Variants in DDX5 observed in about 807,000 individuals in gnomAD.
The protein encoded by DDX5 is DEAD-box helicase 5.
DDX5 carries 6 observed loss-of-function variants against 68.6 expected under a neutral mutation model. That is an observed-to-expected ratio of 0.09 (90% confidence interval 0.05 to 0.17). The LOEUF is 0.17. Among genes scored for constraint, DDX5 ranks in the 10% least tolerant of loss-of-function variants. The probability of loss-of-function intolerance (pLI) is 1.00; values close to 1 mark genes in which losing one functional copy is unlikely to be tolerated. For synonymous variants in DDX5, 350 were observed against 247.0 expected (o/e 1.42, Z -3.91); for missense variants, 499 against 756.1 (o/e 0.66, Z 3.99).
Position 64,503,311 on chromosome 17 carries a change from A to T in DDX5, c.687T>A (p.Ile229=), listed in dbSNP as rs782079464. 6.2e-7 allele frequency: 1 copy of T among 1,614,248 alleles called. No homozygotes were observed. The highest frequency in any genetic ancestry group is 1.7e-5 in the Admixed American group (1 of 60,032). ...TGGTTTTTCCACACTCTAAAAAGTC[A>T]ATCAGTCTTCCAGGTGTTGCAATAC... The part of the protein sequence containing the change: ...EICIATPGRL[I]DFLECGKTNL... Residue 229 remains isoleucine, a synonymous_variant, in exon 7 of 13, where the codon ATT becomes ATA. Transcript: ENST00000225792.
At chr17:64,505,077 G>GA in intron 1 of DDX5, 1 of 401,276 alleles carries the variant, frequency 2.5e-6, no homozygotes. Context: ...TATCATGTCG[G>GA]AAGCCGGGGA....
rs1317146267 is a variant in DDX5, at chr17:64,498,711, C to T, written c.*1212G>A. ...ACCTCTCTTCTGGCAAAAAAAAACA[C>T]GTATCAGACTCTGGGAAAACATTCA... On this transcript the variant is annotated 3_prime_UTR_variant, in exon 13 of 13. Transcript: ENST00000225792. Among the ~76,000 whole-genome samples, 2 of 151,854 alleles carry T rather than the reference C, an allele frequency of 1.3e-5. No individual in the cohort carries two copies. The highest frequency in any genetic ancestry group is 1.9e-4 in the East Asian group (1 of 5,196).
intron 2 of DDX5, 131 bp from the exon 3 acceptor site, chr17:64,504,449 T>C: frequency 1.1e-6 from 1 of 930,576 alleles, no homozygotes; most frequent in Non-Finnish European, 1.6e-6. Flanking sequence ...TGGACCCACC[T>C]ATGAACACCC....
Position 64,499,974 on chromosome 17 carries a change from A to G in DDX5, c.1794T>C (p.Thr598=), listed in dbSNP as rs782427799. 6.2e-7 allele frequency: 1 copy of G among 1,613,462 alleles called. No homozygotes were observed. The highest frequency in any genetic ancestry group is 8.5e-7 in the Non-Finnish European group (1 of 1,179,576). ...GATAACCAATCATAGGTGCAGCTGC[A>G]GTAGCAGGATATGCATATGCCTGTT... is the stretch of plus-strand genomic sequence containing the variant. ...MNQQAYAYPA[T]AAAPMIGYPM... Residue 598 remains threonine (T), a synonymous_variant, in exon 13 of 13, where the codon ACT becomes ACC. Coordinates refer to ENST00000225792, the MANE Select transcript of DDX5 (RefSeq NM_004396.5).
chr17:64,500,418 A>C (rs2038268801), intron 12 of DDX5, 92 bp from the exon 13 acceptor site: 22 of 1,536,510 alleles, frequency 1.4e-5, no homozygotes, highest in Non-Finnish European at 1.8e-5. Flanking sequence ...GGTAGGCGTG[A>C]AATGTTTTTA....
Position 64,504,704 on chromosome 17 carries a change from C to T in DDX5, c.183G>A (p.Glu61=), listed in dbSNP as rs1188606246. The T allele has an allele frequency of 1.2e-6, 2 of 1,613,620 alleles. No homozygotes were observed. The highest frequency in any genetic ancestry group is 1.3e-5 in the African/African-American group (1 of 74,878). The change falls in exon 2 of 13, where the codon GAG becomes GAA. Residue 61 remains glutamate (E), a synonymous_variant. Coordinates refer to ENST00000225792, the MANE Select transcript of DDX5 (RefSeq NM_004396.5). Reference sequence around the variant, plus strand: ...CTGTGCGCCTAGCCAAATCAGGGTGCTCTTGATAAAAATTCTTCTCAAATT... The same window carrying T: ...CTGTGCGCCTAGCCAAATCAGGGTGTTCTTGATAAAAATTCTTCTCAAATT... ...LPKFEKNFYQ[E]HPDLARRTAQ... is the part of the protein sequence containing the mutation.
At chr17:64,500,414 C>T (rs782088676) in intron 12 of DDX5, 88 bp from the exon 13 acceptor site, 68 of 1,535,370 alleles carry the variant, frequency 4.4e-5, no homozygotes, top group Non-Finnish European at 5.3e-5. Flanking sequence ...TCATGGTAGG[C>T]GTGAAATGTT....
rs528348493 is a variant in DDX5, at chr17:64,504,208, A to C, written c.307+14T>G. On this transcript the variant is annotated intron_variant, in intron 3 of 12. Coordinates refer to ENST00000225792, the MANE Select transcript of DDX5 (RefSeq NM_004396.5). ...CAAAAACACGGGTAGGTAGAACTGAAAAGTAGCACTTACCAGGGAAATTGG... is the reference window on the plus strand; with the variant it reads ...CAAAAACACGGGTAGGTAGAACTGACAAGTAGCACTTACCAGGGAAATTGG... 1.2e-6 allele frequency: 2 copies of C among 1,613,704 alleles called. No homozygotes were observed. The highest frequency in any genetic ancestry group is 2.2e-5 in the South Asian group (2 of 91,076).
At chr17:64,505,968 A>G (rs2038490597) in intron 1 of DDX5, 108 bp downstream of exon 1, 2 of 1,540,032 alleles carry the variant, frequency 1.3e-6, no homozygotes, top group African/African-American at 2.7e-5. Flanking sequence ...GTCCCAAGAT[A>G]GCCCGGAAAG....
Position 64,499,981 on chromosome 17 carries a change from G to A in DDX5, c.1787C>T (p.Pro596Leu). 1.9e-6 allele frequency: 3 copies of A among 1,613,902 alleles called. No individual in the cohort carries two copies. Among genetic ancestry groups the A allele is most frequent in the Admixed American group, 3.3e-5 (2 of 60,004 alleles). Residue 596 changes from proline (P) to leucine (L), a missense_variant, in exon 13 of 13, where the codon CCT (proline) becomes CTT (leucine). Pro to Leu is a moderately conservative substitution (Grantham distance 98). Transcript: ENST00000225792. ...AATCATAGGTGCAGCTGCAGTAGCA[G>A]GATATGCATATGCCTGTTGGTTCAT... ...NGMNQQAYAYPATAAAPMIGY... is the reference protein window; with the variant it reads ...NGMNQQAYAYLATAAAPMIGY...
In DDX5 at chr17:64,500,316, C is replaced by G. The variant is rs1284284492; in HGVS notation, c.1452G>C (p.Arg484Ser). 1.2e-6 allele frequency: 2 copies of G among 1,603,346 alleles called. No homozygotes were observed. The highest frequency in any genetic ancestry group is 1.7e-6 in the Non-Finnish European group (2 of 1,174,396). ...LVEDRGSGRS[R>S]GRGGMKDDRR... The stretch of plus-strand genomic sequence containing the variant: ...GGTCATCCTTCATGCCTCCTCTACC[C>G]CTGGAACGACCTGTCAAGAAAACAA... Residue 484 changes from arginine to serine, a missense_variant, in exon 13 of 13, where the codon AGG becomes AGC. Physicochemically the swap from Arg to Ser is moderately radical, Grantham distance 110 (BLOSUM62 -1). This residue lies in a region of DDX5 where 171 missense variants were observed against 174.8 expected (regional missense o/e 0.98). Coordinates refer to ENST00000225792, the MANE Select transcript of DDX5 (RefSeq NM_004396.5).
At chr17:64,504,621 T>C in intron 2 of DDX5, 56 bp downstream of exon 2, 1 of 1,534,368 alleles carries the variant, frequency 6.5e-7, no homozygotes, top group Non-Finnish European at 8.8e-7. Context: ...CAGAATTTCA[T>C]TTACTAGAAT....
chr17:64,500,875 G>A (rs782467100), intron 11 of DDX5, 102 bp from the exon 12 acceptor site: 1 of 804,770 alleles, frequency 1.2e-6, no homozygotes, highest in Non-Finnish European at 2.0e-6. Context: ...TTCCCAAGAA[G>A]GTACGGGCTG....
upstream of DDX5, chr17:64,506,504 T>A (rs78841668): frequency 2.4e-6 from 2 of 830,098 alleles, no homozygotes; most frequent in Non-Finnish European, 3.4e-6. Flanking sequence ...CTGCACTCTC[T>A]TGACCTCACC....
chr17:64,506,458 C>T (rs1287966131), upstream of DDX5: 3 of 1,257,760 alleles, frequency 2.4e-6, no homozygotes, highest in Non-Finnish European at 3.1e-6. Flanking sequence ...GCCACTCTCT[C>T]AGGTCAGGGC....
chr17:64,500,188 C>G lies in DDX5; in HGVS notation c.1580G>C (p.Gly527Ala), dbSNP rs782407805. The G allele has an allele frequency of 1.9e-6, 3 of 1,614,004 alleles. No individual in the cohort carries two copies. In the African/African-American group the frequency reaches 4.0e-5, roughly 22 times the overall value. ...GYSSLLKRDFGAKTQNGVYSA... is the reference protein window; with the variant it reads ...GYSSLLKRDFAAKTQNGVYSA... ...GTAAACACCATTCTGAGTTTTTGCCCCAAAATCTCTTTTAAGCAGGCTAGA... is the reference window on the plus strand; with the variant it reads ...GTAAACACCATTCTGAGTTTTTGCCGCAAAATCTCTTTTAAGCAGGCTAGA... Residue 527 changes from glycine to alanine, a missense_variant, in exon 13 of 13, where the codon GGG becomes GCG. Transcript: ENST00000225792.
upstream of DDX5, chr17:64,506,377 C>T: frequency 7.1e-7 from 1 of 1,414,438 alleles, no homozygotes; most frequent in Non-Finnish European, 9.2e-7. Context: ...GACCTAATCG[C>T]CCCGCCCCTC....
chr17:64,502,284 T>C, intron 9 of DDX5, 61 bp from the exon 10 acceptor site: 1 of 1,572,436 alleles, frequency 6.4e-7, no homozygotes, highest in Non-Finnish European at 8.7e-7. Flanking sequence ...CTCCAGTGCT[T>C]GACCACTTTT....
intron 1 of DDX5, chr17:64,505,304 G>A (rs2038430652): frequency 8.9e-6 from 3 of 337,852 alleles, no homozygotes; most frequent in East Asian, 1.2e-4. Flanking sequence ...TACAGTCAGC[G>A]ATAACAGAAC....
Sources: allele counts gnomAD v4.1 joint callset (sites outside exome capture counted in the v4.1 genomes callset), GRCh38; gene constraint gnomAD v4.1.1; regional missense constraint gnomAD v4.1.1; transcripts MANE v1.5; gene names NCBI Gene and HGNC (gene_info 2026-07-23, HGNC 2026-07-21).